The following NCAM1 variants were observed in gnomAD, a reference collection of about 807,000 sequenced individuals.
The protein encoded by NCAM1 is antigen recognized by monoclonal antibody 5.1H11.
Under a neutral mutation model 109.8 loss-of-function variants are expected in NCAM1, and 14 were observed. The ratio of observed to expected loss-of-function variants is 0.13; its 90% CI spans 0.08 to 0.20. NCAM1 has a LOEUF of 0.20. Among genes scored for constraint, NCAM1 ranks in the 10% least tolerant of loss-of-function variants. The pLI is 1.00. For synonymous variants in NCAM1, 418 were observed against 442.9 expected, an observed-to-expected ratio of 0.94 and a Z score of 0.70; for missense variants, 774 against 1,109.9, an observed-to-expected ratio of 0.70 and a Z score of 4.30.
At chr11:113,179,934 A>G (rs948228952) in intron 1 of NCAM1, among the ~76,000 whole-genome samples, 18 of 152,180 alleles carry the variant, frequency 1.2e-4, no homozygotes, top group African/African-American at 3.6e-4. Flanking sequence ...GAGTCAAAGA[A>G]TATTCACACT....
intron 1 of NCAM1, among the ~76,000 whole-genome samples, chr11:113,194,403 A>G (rs188715416): frequency 3.9e-5 from 6 of 152,256 alleles, no homozygotes; most frequent in East Asian, 3.9e-4. Context: ...GGCAGGGGTT[A>G]AGGAGAATTC....
chr11:113,143,617 A>G (rs1565461138), intron 1 of NCAM1, among the ~76,000 whole-genome samples: 1 of 152,238 alleles, frequency 6.6e-6, no homozygotes, highest in Non-Finnish European at 1.5e-5. Flanking sequence ...GATTGAAATT[A>G]AATATGATAT....
intron 1 of NCAM1, among the ~76,000 whole-genome samples, chr11:113,016,026 A>G (rs138810766): frequency 2.6e-5 from 4 of 152,280 alleles, no homozygotes; most frequent in Non-Finnish European, 5.9e-5. Context: ...TGTGCCGAGT[A>G]TTAAATATTT....
At chr11:112,964,041 T>A (rs57715877) in intron 1 of NCAM1, among the ~76,000 whole-genome samples, 41,505 of 150,972 alleles carry the variant, frequency 0.27, 6,364 homozygotes, top group South Asian at 0.46. Flanking sequence ...AGTTTTTTTT[T>A]AAAAAAATCA....
intron 1 of NCAM1, among the ~76,000 whole-genome samples, chr11:113,041,910 A>T (rs112812209): frequency 2.0e-5 from 3 of 152,286 alleles, no homozygotes; most frequent in African/African-American, 7.2e-5. Flanking sequence ...CAGTGCTCTG[A>T]AAAGAGTCCC....
At chr11:113,261,700 T>C (rs1946004945) in intron 17 of NCAM1, among the ~76,000 whole-genome samples, 1 of 152,184 alleles carries the variant, frequency 6.6e-6, no homozygotes, top group Admixed American at 6.5e-5. Flanking sequence ...TTGGAGTGAA[T>C]GTCCAGATCT....
chr11:113,013,464 A>G (rs1952126977), intron 1 of NCAM1, among the ~76,000 whole-genome samples: 1 of 151,886 alleles, frequency 6.6e-6, no homozygotes, highest in African/African-American at 2.4e-5. Context: ...AAGAAAAAAG[A>G]AAAATCCACA....
chr11:113,220,602 CTT>C (rs1175342641), intron 8 of NCAM1, among the ~76,000 whole-genome samples: 4,645 of 75,236 alleles, frequency 0.062, 42 homozygotes, highest in South Asian at 0.12. Context: ...CTCTCTCTCT[CTT>C]TTTTTTTTTT....
intron 15 of NCAM1, among the ~76,000 whole-genome samples, chr11:113,254,716 G>A (rs782624273): frequency 8.5e-5 from 13 of 152,240 alleles, no homozygotes; most frequent in Middle Eastern, 3.4e-3. Context: ...TCTGTCACAC[G>A]TCTGTGATTC....
chr11:113,017,764 C>T (rs1258893405), intron 1 of NCAM1, among the ~76,000 whole-genome samples: 4 of 151,718 alleles, frequency 2.6e-5, no homozygotes, highest in Non-Finnish European at 4.4e-5. Flanking sequence ...ATGCATGAGG[C>T]TTTTTTCTTT....
At chr11:113,240,948 G>A in intron 14 of NCAM1, 9 of 1,105,860 alleles carry the variant, frequency 8.1e-6, no homozygotes, top group Non-Finnish European at 1.2e-5. Flanking sequence ...TTGGTGGAAA[G>A]CAGCGTCGGG....
At chr11:113,185,786 A>C (rs763608958) in intron 1 of NCAM1, among the ~76,000 whole-genome samples, 106 of 152,212 alleles carry the variant, frequency 7.0e-4, no homozygotes, top group Non-Finnish European at 9.6e-4. Flanking sequence ...TTATTGACTA[A>C]GCCAGTGACC....
In NCAM1 at chr11:113,274,591, A is replaced by T. The variant is rs1339807584; in HGVS notation, c.2457-676A>T. ...CTCGCCAGGAGCCCTGAATCTCAGC[A>T]TCGGGAGGGAAAAGGACTCTGATAG... is the stretch of plus-strand genomic sequence containing the variant. On this transcript the variant is annotated intron_variant, in intron 19 of 19. Coordinates refer to ENST00000316851, the MANE Select transcript of NCAM1 (RefSeq NM_181351.5). This position sits in a 1 kb window ranked among gnomAD's most constrained non-coding sequence, Gnocchi z 4.1. Among the ~76,000 whole-genome samples the T allele has an allele frequency of 6.6e-6, 1 of 152,208 alleles. No individual in the cohort carries two copies. Among genetic ancestry groups the T allele is most frequent in the Non-Finnish European group, 1.5e-5 (1 of 68,040 alleles).
chr11:113,205,992 C>CA, intron 4 of NCAM1, 51 bp from the exon 5 acceptor site: 1 of 1,607,994 alleles, frequency 6.2e-7, no homozygotes, highest in Non-Finnish European at 8.5e-7. Flanking sequence ...CACCTGCCTG[C>CA]AGATGCTCTC....
intron 9 of NCAM1, among the ~76,000 whole-genome samples, chr11:113,222,625 G>T (rs1041848689): frequency 2.0e-5 from 3 of 152,256 alleles, no homozygotes; most frequent in African/African-American, 4.8e-5. Flanking sequence ...GAGAGAGAAG[G>T]GTTAATTATC....
At chr11:113,169,332 C>G (rs1341189040) in intron 1 of NCAM1, among the ~76,000 whole-genome samples, 1 of 152,096 alleles carries the variant, frequency 6.6e-6, no homozygotes, top group Middle Eastern at 3.2e-3. Flanking sequence ...AAAATCAGTA[C>G]TGCAGATTGG....
At chr11:113,046,322 G>A (rs774678425) in intron 1 of NCAM1, among the ~76,000 whole-genome samples, 10 of 152,212 alleles carry the variant, frequency 6.6e-5, no homozygotes, top group Non-Finnish European at 1.3e-4. Context: ...TAAGAGAGGA[G>A]GGTGGGCTTT....
At chr11:113,259,050 ATT>A (rs558552786) in intron 16 of NCAM1, among the ~76,000 whole-genome samples, 14 of 134,028 alleles carry the variant, frequency 1.0e-4, no homozygotes, top group African/African-American at 5.5e-5. Flanking sequence ...AATAGTTTTC[ATT>A]TTTTTTTTTT....
intron 1 of NCAM1, among the ~76,000 whole-genome samples, chr11:113,183,447 A>G (rs1167720933): frequency 3.3e-5 from 5 of 152,322 alleles, no homozygotes; most frequent in African/African-American, 1.2e-4. Context: ...AATACACGCA[A>G]ATGAAAGAGG....
Sources: allele counts gnomAD v4.1 joint callset (sites outside exome capture counted in the v4.1 genomes callset), GRCh38; gene constraint gnomAD v4.1.1; non-coding constraint Gnocchi (gnomAD v3.1); transcripts MANE v1.5; gene names NCBI Gene and HGNC (gene_info 2026-07-23, HGNC 2026-07-21).